Variants in FBXW2 observed in about 807,000 individuals in gnomAD.
FBXW2 encodes the protein F-box/WD repeat-containing protein 2.
A neutral mutation model predicts 46.0 loss-of-function variants in FBXW2; 12 were observed. That is an observed-to-expected ratio of 0.26 (90% CI 0.17 to 0.42). The LOEUF is 0.42. Ranked by LOEUF, FBXW2 falls within the 10% of genes least tolerant of loss-of-function variation. The pLI, the probability that FBXW2 is intolerant of heterozygous loss-of-function variation, is 1.00. For synonymous variants in FBXW2, 203 were observed against 209.6 expected (o/e 0.97, Z 0.27); for missense variants, 360 against 537.0 (o/e 0.67, Z 3.26).
At chr9:120,790,238 T>G (rs1481695167) in intron 2 of FBXW2, among the ~76,000 whole-genome samples, 8 of 152,176 alleles carry the variant, frequency 5.3e-5, no homozygotes, top group African/African-American at 1.9e-4. Context: ...CAGCACTTTG[T>G]GAGACTGAGG....
chr9:120,789,538 T>C (rs1267469303), intron 2 of FBXW2, among the ~76,000 whole-genome samples: 1 of 152,224 alleles, frequency 6.6e-6, no homozygotes. Flanking sequence ...GGATTTATTA[T>C]TCTCTTTATT....
Position 120,758,388 on chromosome 9 carries a change from A to C in FBXW2, c.*6171T>G, listed in dbSNP as rs1407935987. 3 of 152,242 alleles carry C rather than the reference A, an allele frequency of 2.0e-5. No homozygotes were observed. 9.4% of individuals were successfully genotyped at this position (152,242 alleles called of 1,614,324 possible). A position where few individuals can be genotyped will look rare whatever the true frequency, so the allele number is the denominator to read the frequency against. On this transcript the variant is annotated 3_prime_UTR_variant, in exon 8 of 8. Transcript: ENST00000608872. ...GCTCGAAGAAATTAGCTAGGGCTCC[A>C]TGATGTTAAGGAATCCAGATGTGCC...
intron 7 of FBXW2, among the ~76,000 whole-genome samples, chr9:120,769,152 T>C (rs1428292763): frequency 2.6e-5 from 4 of 152,214 alleles, no homozygotes; most frequent in East Asian, 1.9e-4. Flanking sequence ...CTCAGACTTA[T>C]TGAGTAACAT....
intron 5 of FBXW2, among the ~76,000 whole-genome samples, chr9:120,773,848 AT>A (rs1392161617): frequency 6.6e-6 from 1 of 152,178 alleles, no homozygotes; most frequent in African/African-American, 2.4e-5. Context: ...CCAATCAACT[AT>A]TTTCCACAAC....
At chr9:120,786,917 T>C (rs1427381529) in intron 3 of FBXW2, among the ~76,000 whole-genome samples, 1 of 152,222 alleles carries the variant, frequency 6.6e-6, no homozygotes, top group Non-Finnish European at 1.5e-5. Flanking sequence ...CTTAATTGCC[T>C]AGTTAAAAAA....
chr9:120,772,060 G>GAAAAAAAAA (rs59520792), intron 6 of FBXW2, among the ~76,000 whole-genome samples: 1 of 51,302 alleles, frequency 1.9e-5, no homozygotes, highest in African/African-American at 7.0e-5. Flanking sequence ...CCCTGTCTCA[G>GAAAAAAAAA]AAAAAAAAAA....
At chr9:120,788,881 T>C (rs2044775828) in intron 2 of FBXW2, among the ~76,000 whole-genome samples, 1 of 152,160 alleles carries the variant, frequency 6.6e-6, no homozygotes, top group South Asian at 2.1e-4. Flanking sequence ...TGTGGTAAGT[T>C]ATCTGCCTCA....
chr9:120,768,589 G>A (rs1352485957), intron 7 of FBXW2, among the ~76,000 whole-genome samples: 1 of 152,216 alleles, frequency 6.6e-6, no homozygotes, highest in Non-Finnish European at 1.5e-5. Context: ...CACTTTGGGA[G>A]GCGGGTGGAT....
intron 2 of FBXW2, among the ~76,000 whole-genome samples, chr9:120,790,054 C>G (rs569554370): frequency 6.6e-6 from 1 of 152,358 alleles, no homozygotes; most frequent in African/African-American, 2.4e-5. Flanking sequence ...TAACAACCCT[C>G]TTATCTATAC....
chr9:120,788,415 A>C (rs2044766699), intron 2 of FBXW2, 137 bp from the exon 3 acceptor site: 1 of 724,172 alleles, frequency 1.4e-6, no homozygotes, highest in Non-Finnish European at 2.3e-6. Context: ...ACAACTTTAC[A>C]GTTAATACAC....
rs1427570435 is a variant in FBXW2 at position 120,760,349 on chromosome 9, G to C, written c.*4210C>G. The C allele has an allele frequency of 6.6e-6, 1 of 152,238 alleles. No homozygotes were observed. Among genetic ancestry groups the C allele is most frequent in the African/African-American group, 2.4e-5 (1 of 41,420 alleles). 9.4% of individuals were successfully genotyped at this position (152,238 alleles called of 1,614,324 possible). On this transcript the variant is annotated 3_prime_UTR_variant, in exon 8 of 8. Transcript: ENST00000608872. ...CAGAAAGCTATAAAAGTGATGCTGG[G>C]GCCGGGCACAGCAGCTCACGCCTGT... is the stretch of plus-strand genomic sequence containing the variant.
At chr9:120,781,775 C>T (rs1472359081) in intron 3 of FBXW2, among the ~76,000 whole-genome samples, 1 of 151,984 alleles carries the variant, frequency 6.6e-6, no homozygotes, top group East Asian at 1.9e-4. Flanking sequence ...GTAATCCCAA[C>T]ACTTTGGGAG....
At chr9:120,786,765 G>A (rs560869703) in intron 3 of FBXW2, among the ~76,000 whole-genome samples, 1 of 152,206 alleles carries the variant, frequency 6.6e-6, no homozygotes, top group South Asian at 2.1e-4. Context: ...TGCTGCCTAA[G>A]AATTATTTAC....
chr9:120,774,751 C>T (rs2044456449), intron 5 of FBXW2, among the ~76,000 whole-genome samples: 1 of 152,158 alleles, frequency 6.6e-6, no homozygotes, highest in Non-Finnish European at 1.5e-5. Flanking sequence ...ACATAGATCG[C>T]ACCAGACACT....
chr9:120,785,289 C>G (rs2044697478), intron 3 of FBXW2, among the ~76,000 whole-genome samples: 2 of 152,136 alleles, frequency 1.3e-5, no homozygotes, highest in African/African-American at 4.8e-5. Context: ...GGACTACAGG[C>G]ATGAGCCCCC....
At chr9:120,788,885 T>C (rs558544564) in intron 2 of FBXW2, among the ~76,000 whole-genome samples, 7 of 152,320 alleles carry the variant, frequency 4.6e-5, no homozygotes, top group African/African-American at 1.2e-4. Flanking sequence ...GTAAGTTATC[T>C]GCCTCAGGAA....
intron 3 of FBXW2, among the ~76,000 whole-genome samples, chr9:120,781,635 TACACAC>T (rs1161130344): frequency 0.052 from 2,283 of 43,624 alleles, 69 homozygotes; most frequent in African/African-American, 0.087. Flanking sequence ...TTTATATACA[TACACAC>T]ACACACACAC....
At chr9:120,781,192 T>C (rs2044604814) in intron 3 of FBXW2, among the ~76,000 whole-genome samples, 1 of 152,230 alleles carries the variant, frequency 6.6e-6, no homozygotes, top group Non-Finnish European at 1.5e-5. Flanking sequence ...TGAGTTGCAA[T>C]TACTCTCTTC....
intron 7 of FBXW2, among the ~76,000 whole-genome samples, chr9:120,766,674 A>G (rs1285215403): frequency 6.6e-6 from 1 of 152,084 alleles, no homozygotes; most frequent in East Asian, 1.9e-4. Context: ...CATGTTGGCG[A>G]GATGGTCTCG....
Sources: gnomAD v4.1 joint callset for allele counts (sites outside exome capture counted in the v4.1 genomes callset) on GRCh38, gnomAD v4.1.1 for gene constraint, MANE v1.5 for transcripts, NCBI Gene and HGNC (gene_info 2026-07-23, HGNC 2026-07-21) for gene names.